Variants in STXBP6 observed in about 807,000 individuals in gnomAD.
The protein encoded by STXBP6 is syntaxin binding protein 6.
STXBP6 carries 21 observed loss-of-function variants against 26.9 expected under a neutral mutation model. The observed-to-expected ratio is 0.78, with a 90% confidence interval of 0.55 to 1.12. The LOEUF (loss-of-function observed/expected upper bound fraction) is 1.12. STXBP6 is among the 50% of genes most tolerant of loss of function. STXBP6 has a pLI of 0.00. For synonymous variants in STXBP6, 97 were observed against 92.6 expected (o/e 1.05, Z -0.27); for missense variants, 232 against 257.9 (o/e 0.90, Z 0.69).
chr14:24,999,848 A>G (rs1796715174), intron 1 of STXBP6, among the ~76,000 whole-genome samples: 2 of 152,184 alleles, frequency 1.3e-5, no homozygotes, highest in South Asian at 4.2e-4. Context: ...TCTAGCTACA[A>G]CAAATCATAA....
chr14:24,899,840 T>C (rs1479077884), intron 2 of STXBP6, among the ~76,000 whole-genome samples: 2 of 146,082 alleles, frequency 1.4e-5, no homozygotes, highest in Admixed American at 1.4e-4. Context: ...AGATATCATA[T>C]GTTTGGTAAG....
chr14:24,935,397 T>G (rs532428617), intron 2 of STXBP6, among the ~76,000 whole-genome samples: 1 of 152,182 alleles, frequency 6.6e-6, no homozygotes, highest in South Asian at 2.1e-4. Flanking sequence ...GAAAAAGAGA[T>G]AAAAAGCAAC....
At chr14:24,924,496 A>C (rs1191825711) in intron 2 of STXBP6, among the ~76,000 whole-genome samples, 1 of 152,172 alleles carries the variant, frequency 6.6e-6, no homozygotes, top group Non-Finnish European at 1.5e-5. Context: ...GAAATAGATA[A>C]AATCTCCAAT....
intron 5 of STXBP6, among the ~76,000 whole-genome samples, chr14:24,814,086 CAGTCAACTGTCAG>C (rs749010567): frequency 1.7e-4 from 26 of 152,198 alleles, no homozygotes; most frequent in Non-Finnish European, 1.0e-4. Context: ...CGCCAATAGT[CAGTCAACTGTCAG>C]ACACAGGGTT....
chr14:24,911,678 AACC>A (rs2071581405), intron 2 of STXBP6, among the ~76,000 whole-genome samples: 1 of 152,134 alleles, frequency 6.6e-6, no homozygotes, highest in African/African-American at 2.4e-5. Flanking sequence ...TCCTTTACAC[AACC>A]ACAGTGAATG....
chr14:25,013,917 C>T (rs1477108661), intron 1 of STXBP6, among the ~76,000 whole-genome samples: 2 of 151,970 alleles, frequency 1.3e-5, no homozygotes, highest in African/African-American at 4.8e-5. Flanking sequence ...CTAAATAGCC[C>T]ATATTTGATT....
chr14:24,873,160 C>T lies in STXBP6; in HGVS notation c.155-16003G>A, dbSNP rs55866307. ...TTTATAAAAAATTCTAAATTCAGAA[C>T]GCATAAGCCTCCCTCAAATAAAAAT... is the stretch of plus-strand genomic sequence containing the variant. On this transcript the variant is annotated intron_variant, in intron 2 of 5. Transcript: ENST00000323944. 1.7e-3 allele frequency among the ~76,000 whole-genome samples: 254 copies of T among 152,222 alleles called. 2 individuals are homozygous for T. The highest frequency in any genetic ancestry group is 5.8e-3 in the African/African-American group (239 of 41,532).
At chr14:24,865,933 A>G (rs949183865) in intron 2 of STXBP6, among the ~76,000 whole-genome samples, 1 of 152,194 alleles carries the variant, frequency 6.6e-6, no homozygotes, top group Non-Finnish European at 1.5e-5. Flanking sequence ...CTAAAGATAT[A>G]TGCTATAAAC....
In STXBP6 at chr14:24,989,439, C is replaced by T. The variant is rs560197871; in HGVS notation, c.-32-14589G>A. On this transcript the variant is annotated intron_variant, in intron 1 of 5. Transcript: ENST00000323944. Reference sequence around the variant, plus strand: ...GTCACAGCGATTTGGGGGAACTGAACTAAGGGCATCAAAATAAACAAAAAA... The same window carrying T: ...GTCACAGCGATTTGGGGGAACTGAATTAAGGGCATCAAAATAAACAAAAAA... 5.3e-5 allele frequency among the ~76,000 whole-genome samples: 8 copies of T among 152,330 alleles called. No individual in the cohort carries two copies. In the East Asian group the frequency reaches 1.3e-3, roughly 26 times the overall value.
chr14:24,931,872 G>C (rs2072424862), intron 2 of STXBP6, among the ~76,000 whole-genome samples: 1 of 152,140 alleles, frequency 6.6e-6, no homozygotes, highest in East Asian at 1.9e-4. Flanking sequence ...CAAAGAATCA[G>C]GAAGGGGGAA....
intron 1 of STXBP6, among the ~76,000 whole-genome samples, chr14:25,005,126 T>A (rs562958232): frequency 5.4e-4 from 82 of 152,210 alleles, no homozygotes; most frequent in African/African-American, 1.9e-3. Flanking sequence ...TAAAAAAAAA[T>A]TTAAAGACTC....
At chr14:24,952,835 G>A (rs569985988) in intron 2 of STXBP6, among the ~76,000 whole-genome samples, 2 of 152,204 alleles carry the variant, frequency 1.3e-5, no homozygotes, top group South Asian at 4.2e-4. Context: ...GTGACCAGAG[G>A]GCATTCCAAC....
chr14:25,033,777 A>G (rs570532537), intron 1 of STXBP6, among the ~76,000 whole-genome samples: 2 of 152,358 alleles, frequency 1.3e-5, no homozygotes, highest in Admixed American at 1.3e-4. Flanking sequence ...CAATTAGTTT[A>G]GCTCCTTTAA....
intron 4 of STXBP6, among the ~76,000 whole-genome samples, chr14:24,845,006 C>T (rs548605752): frequency 4.4e-4 from 67 of 150,962 alleles, no homozygotes; most frequent in African/African-American, 1.6e-3. Flanking sequence ...ATATCTCCAT[C>T]ATCAAAAGCT....
At position 25,015,751 on chromosome 14, in the gene STXBP6, T is replaced by C. The variant is rs200799835; in HGVS notation, c.-33+34127A>G. 6.6e-5 allele frequency among the ~76,000 whole-genome samples: 10 copies of C among 152,006 alleles called. No homozygotes were observed. The East Asian group carries it at 1.9e-3, about 29-fold the overall frequency. ...CTAATTAAAGTTGATTTAGACTGCA[T>C]AGTGCCTTTTTTTGTAACCCTGTTA... On this transcript the variant is annotated intron_variant, in intron 1 of 5. Transcript: ENST00000323944.
intron 2 of STXBP6, among the ~76,000 whole-genome samples, chr14:24,964,426 T>A (rs2073660869): frequency 6.6e-6 from 1 of 152,168 alleles, no homozygotes; most frequent in South Asian, 2.1e-4. Flanking sequence ...AAATTCTGCA[T>A]ATGGTTTAGC....
intron 2 of STXBP6, among the ~76,000 whole-genome samples, chr14:24,932,264 G>A (rs1469664507): frequency 6.6e-6 from 1 of 152,146 alleles, no homozygotes; most frequent in Non-Finnish European, 1.5e-5. Flanking sequence ...AAAACTAGCT[G>A]GGCGTGGTAG....
At chr14:24,989,871 A>T (rs1051379059) in intron 1 of STXBP6, among the ~76,000 whole-genome samples, 1 of 152,182 alleles carries the variant, frequency 6.6e-6, no homozygotes, top group South Asian at 2.1e-4. Context: ...GAGTATTAAG[A>T]TACGCCTCAC....
At chr14:24,961,325 G>C (rs1250352210) in intron 2 of STXBP6, among the ~76,000 whole-genome samples, 1 of 151,894 alleles carries the variant, frequency 6.6e-6, no homozygotes, top group Non-Finnish European at 1.5e-5. Context: ...AATAGGCTTA[G>C]TACCTAGGTG....
Sources: allele counts gnomAD v4.1 joint callset (sites outside exome capture counted in the v4.1 genomes callset), GRCh38; gene constraint gnomAD v4.1.1; transcripts MANE v1.5; gene names NCBI Gene and HGNC (gene_info 2026-07-23, HGNC 2026-07-21).